The following TDRD3 variants were observed in gnomAD, a reference collection of about 807,000 sequenced individuals.
TDRD3 encodes the protein tudor domain containing 3, also known as tudor domain-containing protein 3.
Under a neutral mutation model 86.7 loss-of-function variants are expected in TDRD3, and 45 were observed. The ratio of observed to expected loss-of-function variants is 0.52; its 90% CI spans 0.41 to 0.67. TDRD3 has a LOEUF of 0.67. Ranked by LOEUF, TDRD3 falls within the 30% of genes least tolerant of loss-of-function variation. The pLI, the probability that TDRD3 is intolerant of heterozygous loss-of-function variation, is 0.00. For synonymous variants in TDRD3, 298 were observed against 301.7 expected, an observed-to-expected ratio of 0.99 and a Z score of 0.13; for missense variants, 814 against 889.0, an observed-to-expected ratio of 0.92 and a Z score of 1.07.
intron 10 of TDRD3, among the ~76,000 whole-genome samples, chr13:60,527,719 G>A (rs1957477069): frequency 6.6e-6 from 1 of 152,024 alleles, no homozygotes; most frequent in Admixed American, 6.6e-5. Context: ...CACTTTTTCG[G>A]TATTTCCACT....
chr13:60,509,859 G>A lies in TDRD3; in HGVS notation c.955G>A (p.Ala319Thr). 3 of 1,613,856 alleles carry A rather than the reference G, an allele frequency of 1.9e-6. No homozygotes were observed. The highest frequency in any genetic ancestry group is 2.5e-6 in the Non-Finnish European group (3 of 1,179,762). Residue 319 changes from alanine to threonine, a missense_variant, in exon 9 of 14, where the codon GCA (alanine) becomes ACA (threonine). Physicochemically the swap from Ala to Thr is moderately conservative, Grantham distance 58 (BLOSUM62 0). Transcript: ENST00000377881. ...LMDNGNNLEA[A>T]LNVLLTSNKQ... is the part of the protein sequence containing the mutation. ...GGATAATGGCAACAACTTAGAAGCAGCACTGAACGTACTTCTTACAAGCAA... is the reference window on the plus strand; with the variant it reads ...GGATAATGGCAACAACTTAGAAGCAACACTGAACGTACTTCTTACAAGCAA...
intron 5 of TDRD3, among the ~76,000 whole-genome samples, chr13:60,474,777 A>G (rs181336392): frequency 6.6e-6 from 1 of 151,822 alleles, no homozygotes; most frequent in Non-Finnish European, 1.5e-5. Flanking sequence ...CACATTTACC[A>G]TTTCCGTCCC....
At chr13:60,572,204 G>GT (rs1323404704) in intron 13 of TDRD3, among the ~76,000 whole-genome samples, 1 of 152,178 alleles carries the variant, frequency 6.6e-6, no homozygotes, top group Non-Finnish European at 1.5e-5. Context: ...GCAGAGGAAA[G>GT]TTTAAACGAG....
chr13:60,508,437 C>T (rs1956984232), intron 8 of TDRD3, among the ~76,000 whole-genome samples: 1 of 152,138 alleles, frequency 6.6e-6, no homozygotes, highest in African/African-American at 2.4e-5. Context: ...ACCAATGGAA[C>T]AGAACAGACG....
intron 10 of TDRD3, among the ~76,000 whole-genome samples, chr13:60,524,148 G>A (rs948344813): frequency 1.3e-5 from 2 of 152,084 alleles, no homozygotes; most frequent in African/African-American, 4.8e-5. Context: ...TGAGAACTTA[G>A]AATCTGACTG....
chr13:60,455,408 G>A (rs1389455622), intron 3 of TDRD3, among the ~76,000 whole-genome samples: 1 of 152,010 alleles, frequency 6.6e-6, no homozygotes, highest in Non-Finnish European at 1.5e-5. Flanking sequence ...AAGGGCAATG[G>A]GCCTTAAGGT....
intron 7 of TDRD3, among the ~76,000 whole-genome samples, chr13:60,494,094 A>G (rs1014977401): frequency 2.0e-5 from 3 of 152,204 alleles, no homozygotes; most frequent in Non-Finnish European, 2.9e-5. Context: ...CCAACTCTCA[A>G]GGCAGTAGTC....
chr13:60,535,335 T>C (rs1312635688), intron 12 of TDRD3, 102 bp downstream of exon 12: 4 of 1,342,150 alleles, frequency 3.0e-6, no homozygotes, highest in Non-Finnish European at 3.9e-6. Flanking sequence ...TGGAATCATA[T>C]TTTGAATTTA....
chr13:60,430,674 T>C (rs1566185324), intron 1 of TDRD3, among the ~76,000 whole-genome samples: 1 of 152,148 alleles, frequency 6.6e-6, no homozygotes, highest in Non-Finnish European at 1.5e-5. Context: ...TACTATGTAA[T>C]ATATCAATTA....
intron 3 of TDRD3, among the ~76,000 whole-genome samples, chr13:60,452,864 T>C (rs1182963805): frequency 1.3e-5 from 2 of 152,002 alleles, no homozygotes; most frequent in Admixed American, 1.3e-4. Context: ...ATTACTGTTA[T>C]CAGTTCTTAA....
chr13:60,531,211 C>T (rs1243571009), intron 11 of TDRD3, among the ~76,000 whole-genome samples: 1 of 152,166 alleles, frequency 6.6e-6, no homozygotes, highest in Non-Finnish European at 1.5e-5. Flanking sequence ...TTCACATGGC[C>T]ACTTCCTGGC....
At chr13:60,553,137 A>C (rs575183054) in intron 12 of TDRD3, among the ~76,000 whole-genome samples, 1 of 152,300 alleles carries the variant, frequency 6.6e-6, no homozygotes, top group African/African-American at 2.4e-5. Context: ...CACACTGCAA[A>C]TTTTCCAAAT....
chr13:60,450,931 A>C (rs961928490), intron 3 of TDRD3, among the ~76,000 whole-genome samples: 10 of 152,194 alleles, frequency 6.6e-5, no homozygotes, highest in Non-Finnish European at 1.5e-5. Flanking sequence ...TTAAAATCTT[A>C]GGTTATAGCT....
chr13:60,441,841 C>T (rs1955282284), intron 2 of TDRD3, among the ~76,000 whole-genome samples: 1 of 152,166 alleles, frequency 6.6e-6, no homozygotes. Context: ...GGGAAGCCCT[C>T]TGAAGACTAA....
intron 12 of TDRD3, among the ~76,000 whole-genome samples, chr13:60,538,383 A>ATTTTTT (rs34945980): frequency 5.0e-5 from 7 of 138,668 alleles, no homozygotes; most frequent in Non-Finnish European, 9.4e-5. Flanking sequence ...TTTCACCTGT[A>ATTTTTT]TTTTTTTTTT....
Position 60,409,205 on chromosome 13 carries a change from G to A in TDRD3, c.41+11800G>A, listed in dbSNP as rs569240107. Among the ~76,000 whole-genome samples the A allele has an allele frequency of 4.6e-5, 7 of 152,382 alleles. No homozygotes were observed. The South Asian group carries it at 1.4e-3, about 32-fold the overall frequency. The stretch of plus-strand genomic sequence containing the variant: ...TAGATTTCAGAGGATGTATGGAAAT[G>A]CCTGGATGCCCAGGCAAAAGTTTGC... On this transcript the variant is annotated intron_variant, in intron 1 of 13. Coordinates refer to ENST00000377881, the MANE Select transcript of TDRD3 (RefSeq NM_001146070.2).
chr13:60,423,246 T>C (rs971736207), intron 1 of TDRD3, among the ~76,000 whole-genome samples: 1 of 152,196 alleles, frequency 6.6e-6, no homozygotes, highest in Non-Finnish European at 1.5e-5. Flanking sequence ...ACCAGAACTT[T>C]TATGCATCAA....
At chr13:60,406,482 A>G (rs987650387) in intron 1 of TDRD3, among the ~76,000 whole-genome samples, 2 of 152,348 alleles carry the variant, frequency 1.3e-5, no homozygotes, top group Admixed American at 6.5e-5. Flanking sequence ...AAATATGGCT[A>G]CAAGACAATT....
At chr13:60,424,924 T>G (rs1052113843) in intron 1 of TDRD3, among the ~76,000 whole-genome samples, 8 of 152,188 alleles carry the variant, frequency 5.3e-5, no homozygotes, top group African/African-American at 1.7e-4. Context: ...TCATTTAGCA[T>G]AACATTTTTA....
Sources: gnomAD v4.1 joint callset for allele counts (sites outside exome capture counted in the v4.1 genomes callset) on GRCh38, gnomAD v4.1.1 for gene constraint, MANE v1.5 for transcripts, NCBI Gene and HGNC (gene_info 2026-07-23, HGNC 2026-07-21) for gene names.